The following RRP15 variants were observed in gnomAD, a reference collection of about 807,000 sequenced individuals.
RRP15 encodes the protein ribosomal RNA processing 15 homolog, also known as RRP15-like protein.
Under a neutral mutation model 27.1 loss-of-function variants are expected in RRP15, and 18 were observed. The observed-to-expected ratio is 0.66, with a 90% CI of 0.46 to 0.98. The LOEUF is 0.98. Among genes scored for constraint, RRP15 ranks in the 50% least tolerant of loss-of-function variants. RRP15 has a pLI of 0.00. For synonymous variants in RRP15, 107 were observed against 109.4 expected, an observed-to-expected ratio of 0.98 and a Z score of 0.14; for missense variants, 359 against 337.8, an observed-to-expected ratio of 1.06 and a Z score of -0.49.
intron 4 of RRP15, among the ~76,000 whole-genome samples, chr1:218,323,808 A>G (rs1571808412): frequency 6.6e-6 from 1 of 152,184 alleles, no homozygotes; most frequent in South Asian, 2.1e-4. Flanking sequence ...CAGTGTGCGT[A>G]TACCCAGCTG....
chr1:218,304,511 GA>G (rs1655865382), intron 2 of RRP15, among the ~76,000 whole-genome samples: 2 of 152,224 alleles, frequency 1.3e-5, no homozygotes, highest in Non-Finnish European at 2.9e-5. Flanking sequence ...TACGAGAGGA[GA>G]AATGGATTTA....
intron 1 of RRP15, among the ~76,000 whole-genome samples, chr1:218,295,934 A>G (rs955000892): frequency 2.0e-5 from 3 of 152,148 alleles, no homozygotes; most frequent in African/African-American, 7.2e-5. Flanking sequence ...GAAGTTTTAA[A>G]GCATCAATTT....
At chr1:218,310,479 G>A (rs893069977) in intron 4 of RRP15, among the ~76,000 whole-genome samples, 2 of 152,080 alleles carry the variant, frequency 1.3e-5, no homozygotes, top group Non-Finnish European at 2.9e-5. Flanking sequence ...AAAGAGGCAG[G>A]AGTTTTATAT....
intron 1 of RRP15, among the ~76,000 whole-genome samples, chr1:218,289,272 A>C (rs190903278): frequency 8.5e-5 from 13 of 152,328 alleles, no homozygotes; most frequent in African/African-American, 3.1e-4. Context: ...TAACCCTGTA[A>C]GGTAGCTGAT....
At chr1:218,308,134 C>T (rs552467578) in intron 4 of RRP15, among the ~76,000 whole-genome samples, 51 of 132,398 alleles carry the variant, frequency 3.9e-4, no homozygotes, top group Admixed American at 7.1e-4. Context: ...TGCAGTGGCG[C>T]GATCTCGGCT....
At chr1:218,294,206 G>C (rs541971084) in intron 1 of RRP15, among the ~76,000 whole-genome samples, 1 of 152,242 alleles carries the variant, frequency 6.6e-6, no homozygotes, top group South Asian at 2.1e-4. Context: ...GATTAAATGT[G>C]TATGGATTCA....
chr1:218,287,291 T>C (rs1432747266), intron 1 of RRP15, among the ~76,000 whole-genome samples: 1 of 152,082 alleles, frequency 6.6e-6, no homozygotes, highest in African/African-American at 2.4e-5. Context: ...AAATTGGATT[T>C]TTCTATTCAA....
chr1:218,312,455 A>T (rs1448549587), intron 4 of RRP15, among the ~76,000 whole-genome samples: 3 of 152,066 alleles, frequency 2.0e-5, no homozygotes, highest in African/African-American at 7.2e-5. Flanking sequence ...GGGCTATGAA[A>T]AAAGATACTG....
intron 4 of RRP15, among the ~76,000 whole-genome samples, chr1:218,315,391 C>T (rs940807603): frequency 2.6e-5 from 4 of 152,056 alleles, no homozygotes; most frequent in African/African-American, 9.7e-5. Flanking sequence ...GACTTCCTCA[C>T]CCAGGTCCCT....
chr1:218,305,934 A>G (rs1186982384), intron 3 of RRP15, among the ~76,000 whole-genome samples: 1 of 152,012 alleles, frequency 6.6e-6, no homozygotes, highest in Non-Finnish European at 1.5e-5. Context: ...ATGCTACTTG[A>G]TTTCTTTTTC....
rs550876683 is a variant in RRP15 at position 218,303,428 on chromosome 1, A to T, written c.405+869A>T. Among the ~76,000 whole-genome samples, 3 of 152,314 alleles carry T rather than the reference A, an allele frequency of 2.0e-5. No homozygotes were observed. The East Asian group carries it at 5.8e-4, about 29-fold the overall frequency. ...CTTAATACTGGTTGCTCTGTGTGAA[A>T]GGTGGAAATTTTTAAGTATTGCTCT... On this transcript the variant is annotated intron_variant, in intron 2 of 4. Transcript: ENST00000366932.
rs1242603058 is a variant in RRP15, at chr1:218,331,852, G to A, written c.*761G>A. 2 of 150,902 alleles carry A rather than the reference G, an allele frequency of 1.3e-5. No homozygotes were observed. Among genetic ancestry groups the A allele is most frequent in the Non-Finnish European group, 2.9e-5 (2 of 67,808 alleles). 9.3% of individuals were successfully genotyped at this position (150,902 alleles called of 1,614,324 possible). ...CACGCCCAGCTAATTTTTTGTTTTT[G>A]TATTTTTAGTAGAGACGGGGTTTCA... On this transcript the variant is annotated 3_prime_UTR_variant, in exon 5 of 5. Coordinates refer to ENST00000366932, the MANE Select transcript of RRP15 (RefSeq NM_016052.4).
In RRP15 at chr1:218,302,389, G is replaced by A. The variant is rs1571797264; in HGVS notation, c.235G>A (p.Glu79Lys). ...TGCTGAGCCCTGTGACAAAGAAAAT[G>A]AAAATGATGGAGAATCAAGTGTTGG... ...GDAEPCDKEN[E>K]NDGESSVGTN... The change falls in exon 2 of 5, where the codon GAA becomes AAA. Residue 79 changes from glutamate to lysine, a missense_variant. Transcript: ENST00000366932. 3 of 1,614,100 alleles carry A rather than the reference G, an allele frequency of 1.9e-6. No homozygotes were observed. The highest frequency in any genetic ancestry group is 4.5e-5 in the East Asian group (2 of 44,878).
chr1:218,326,002 T>C (rs951588608), intron 4 of RRP15, among the ~76,000 whole-genome samples: 4 of 152,310 alleles, frequency 2.6e-5, no homozygotes, highest in Middle Eastern at 3.4e-3. Context: ...TCCTAATGTT[T>C]CTTTTAAAAT....
At chr1:218,292,837 C>T (rs768227530) in intron 1 of RRP15, among the ~76,000 whole-genome samples, 1 of 152,164 alleles carries the variant, frequency 6.6e-6, no homozygotes, top group Non-Finnish European at 1.5e-5. Flanking sequence ...TCTTTCTAGT[C>T]GTGCTTATGG....
intron 4 of RRP15, among the ~76,000 whole-genome samples, chr1:218,324,240 C>T (rs1558211854): frequency 6.6e-6 from 1 of 152,162 alleles, no homozygotes; most frequent in Non-Finnish European, 1.5e-5. Context: ...GCAGCAGCTG[C>T]AGGGGAGGTG....
Position 218,285,472 on chromosome 1 carries a change from G to A in RRP15, c.139+17G>A, listed in dbSNP as rs1253251751. On this transcript the variant is annotated intron_variant, in intron 1 of 4. Coordinates refer to ENST00000366932, the MANE Select transcript of RRP15 (RefSeq NM_016052.4). ...ATAGTGAAGGTAATGTGGTAGGGCT[G>A]AGCTTTGGTGTCTGGGAGGAAAGGC... 1 of 1,613,328 alleles carries A rather than the reference G, an allele frequency of 6.2e-7. No individual in the cohort carries two copies. The highest frequency in any genetic ancestry group is 8.5e-7 in the Non-Finnish European group (1 of 1,179,876).
Position 218,331,195 on chromosome 1 carries a change from A to AAAGACTTTT in RRP15, c.*105_*113dup, listed in dbSNP as rs1168796211. ...AAGGATACCATTTGTAAGAAAGCCA[A>AAAGACTTTT]AAGACTTTTGCCAGATTTCATATTT... is the stretch of plus-strand genomic sequence containing the variant. On this transcript the variant is annotated 3_prime_UTR_variant, in exon 5 of 5. Coordinates refer to ENST00000366932, the MANE Select transcript of RRP15 (RefSeq NM_016052.4). 8.9e-7 allele frequency: 1 copy of AAAGACTTTT among 1,120,108 alleles called. No individual in the cohort carries two copies. The highest frequency in any genetic ancestry group is 1.6e-5 in the African/African-American group (1 of 63,416). The allele number at this position is 1,120,108 out of a possible 1,614,324, so 69.4% of individuals were successfully genotyped here.
intron 2 of RRP15, 145 bp downstream of exon 2, chr1:218,302,704 G>T: frequency 7.7e-7 from 1 of 1,299,010 alleles, no homozygotes; most frequent in South Asian, 1.5e-5. Flanking sequence ...CTAAGGTTAT[G>T]TTTAGGAATT....
Sources: allele counts gnomAD v4.1 joint callset (sites outside exome capture counted in the v4.1 genomes callset), GRCh38; gene constraint gnomAD v4.1.1; transcripts MANE v1.5; gene names NCBI Gene and HGNC (gene_info 2026-07-23, HGNC 2026-07-21).